The following SLC5A11 variants were observed in gnomAD, a reference collection of about 807,000 sequenced individuals.
SLC5A11 encodes the protein sodium/myo-inositol cotransporter 2.
SLC5A11 carries 48 observed loss-of-function variants against 69.8 expected under a neutral mutation model. The ratio of observed to expected loss-of-function variants is 0.69; its 90% CI spans 0.55 to 0.87. The LOEUF is 0.87. Among genes scored for constraint, SLC5A11 ranks in the 40% least tolerant of loss-of-function variants. The pLI is 0.00. For synonymous variants in SLC5A11, 319 were observed against 342.4 expected (o/e 0.93, Z 0.75); for missense variants, 784 against 866.1 (o/e 0.91, Z 1.19).
chr16:24,864,342 A>T (rs2046787138), intron 3 of SLC5A11, among the ~76,000 whole-genome samples: 1 of 152,212 alleles, frequency 6.6e-6, no homozygotes, highest in Non-Finnish European at 1.5e-5. Context: ...GATTTAAGAA[A>T]ATGTCTTTTC....
intron 10 of SLC5A11, among the ~76,000 whole-genome samples, chr16:24,904,924 T>C (rs1268156984): frequency 2.0e-5 from 3 of 152,218 alleles, no homozygotes; most frequent in African/African-American, 7.2e-5. Flanking sequence ...TTTGTCCTAA[T>C]GCTCTCCCTC....
rs1038664884 is a variant in SLC5A11, at chr16:24,891,086, T to G, written c.870+12T>G. The G allele has an allele frequency of 2.5e-6, 4 of 1,606,386 alleles. No individual in the cohort carries two copies. The highest frequency in any genetic ancestry group is 3.4e-6 in the Non-Finnish European group (4 of 1,174,092). The stretch of plus-strand genomic sequence containing the variant: ...GGTGCACGGATCAGGTACAGGACAG[T>G]GGCCTGAGCAAGTTTTTCCTTCTCT... On this transcript the variant is annotated intron_variant, in intron 9 of 15. Coordinates refer to ENST00000347898, the Ensembl canonical transcript of SLC5A11.
intron 12 of SLC5A11, among the ~76,000 whole-genome samples, 194 bp from the exon 14 acceptor site, chr16:24,907,769 C>T (rs1356162109): frequency 2.0e-5 from 3 of 151,678 alleles, no homozygotes; most frequent in Admixed American, 6.6e-5. Context: ...GTCTGTAATC[C>T]CACCTATTCG....
exon 2 of SLC5A11, chr16:24,858,697 G>T (rs34080398): frequency 1.2e-6 from 2 of 1,611,674 alleles, no homozygotes; most frequent in Admixed American, 3.3e-5. Context: ...CCCTGGATGC[G>T]TTTCCCCAGA....
chr16:24,893,852 G>C (rs1181007458), intron 9 of SLC5A11, among the ~76,000 whole-genome samples: 1 of 152,160 alleles, frequency 6.6e-6, no homozygotes, highest in Non-Finnish European at 1.5e-5. Flanking sequence ...GATTACAGGC[G>C]TGAGCCACTG....
chr16:24,892,278 C>T (rs758208406), intron 9 of SLC5A11, among the ~76,000 whole-genome samples: 8 of 151,602 alleles, frequency 5.3e-5, no homozygotes, highest in Non-Finnish European at 1.2e-4. Flanking sequence ...TCAGAAGTGA[C>T]CTTTGACCAA....
At chr16:24,877,764 T>C (rs188281167) in intron 7 of SLC5A11, among the ~76,000 whole-genome samples, 181 of 152,014 alleles carry the variant, frequency 1.2e-3, no homozygotes, top group Non-Finnish European at 1.9e-3. Flanking sequence ...GGTGGGTGGA[T>C]CACGAGGTCA....
rs766589567 is a variant in SLC5A11 at position 24,884,031 on chromosome 16, C to T, written c.584-20C>T. Reference sequence around the variant, plus strand: ...TCTCGTTAGACTCCCTGACCCTCACCTCCGTGCTCATCCCACCAGGTGGCC... The same window carrying T: ...TCTCGTTAGACTCCCTGACCCTCACTTCCGTGCTCATCCCACCAGGTGGCC... On this transcript the variant is annotated intron_variant, in intron 7 of 15. Transcript: ENST00000347898. 1.2e-6 allele frequency: 2 copies of T among 1,612,858 alleles called. No homozygotes were observed. The highest frequency in any genetic ancestry group is 1.1e-5 in the South Asian group (1 of 90,948).
At chr16:24,895,194 A>G (rs975768990) in intron 9 of SLC5A11, among the ~76,000 whole-genome samples, 7 of 152,132 alleles carry the variant, frequency 4.6e-5, no homozygotes, top group Non-Finnish European at 1.0e-4. Context: ...TGATGGTTAC[A>G]GAAAACAGAC....
intron 12 of SLC5A11, 34 bp downstream of exon 13, chr16:24,907,209 G>T: frequency 6.2e-7 from 1 of 1,610,388 alleles, no homozygotes; most frequent in African/African-American, 1.3e-5. Flanking sequence ...GGGGCAGGGG[G>T]AAGAGAGAGC....
In SLC5A11 at chr16:24,875,621, C is replaced by T. The variant is rs1403243640; in HGVS notation, c.373-6C>T. The T allele has an allele frequency of 6.2e-7, 1 of 1,612,136 alleles. No homozygotes were observed. The highest frequency in any genetic ancestry group is 2.2e-5 in the East Asian group (1 of 44,804). ...CTGGTGGTGAAATCTCAGCTCTGGC[C>T]CTCAGGTCACCACGATGCCAGAATA... On this transcript the variant is annotated splice_region_variant and splice_polypyrimidine_tract_variant and intron_variant, in intron 5 of 15. Transcript: ENST00000347898.
chr16:24,860,882 T>A (rs1036216159), intron 2 of SLC5A11, among the ~76,000 whole-genome samples: 5 of 152,082 alleles, frequency 3.3e-5, no homozygotes, highest in Admixed American at 6.6e-5. Context: ...ATTTTTTTTG[T>A]ATTTTTAGTA....
intron 8 of SLC5A11, 35 bp downstream of exon 9, chr16:24,884,166 C>T: frequency 1.9e-6 from 3 of 1,590,008 alleles, no homozygotes; most frequent in Non-Finnish European, 2.6e-6. Flanking sequence ...GGGCGGACAA[C>T]AGCACCTCTC....
rs78515573 is a variant in SLC5A11, at chr16:24,852,553, G to A, written c.-24-6067G>A. 5.3e-3 allele frequency among the ~76,000 whole-genome samples: 804 copies of A among 152,222 alleles called. 7 individuals carry two copies. Among genetic ancestry groups the A allele is most frequent in the African/African-American group, 0.018 (763 of 41,524 alleles). ...ACAGGGAGGGTTCTTCACAAGAGGT[G>A]AAGAAGGAGCCACCCCCAACCACCC... On this transcript the variant is annotated intron_variant, in intron 1 of 15. Transcript: ENST00000347898.
At chr16:24,857,823 T>C (rs1046982614) in intron 1 of SLC5A11, among the ~76,000 whole-genome samples, 2 of 152,270 alleles carry the variant, frequency 1.3e-5, no homozygotes, top group Non-Finnish European at 2.9e-5. Context: ...TCCTTTGATA[T>C]GTAACAACAT....
intron 9 of SLC5A11, among the ~76,000 whole-genome samples, chr16:24,897,104 C>A (rs1397158206): frequency 6.6e-6 from 1 of 151,876 alleles, no homozygotes; most frequent in African/African-American, 2.4e-5. Flanking sequence ...AAGTGTGCGC[C>A]AATGCACCCA....
chr16:24,856,030 T>C (rs1403532539), intron 1 of SLC5A11, among the ~76,000 whole-genome samples: 2 of 152,216 alleles, frequency 1.3e-5, no homozygotes, highest in Non-Finnish European at 2.9e-5. Context: ...CACTTTCTTA[T>C]TAGAAATTCC....
chr16:24,894,183 A>T (rs1597226834), intron 9 of SLC5A11, among the ~76,000 whole-genome samples: 2 of 152,260 alleles, frequency 1.3e-5, no homozygotes, highest in Admixed American at 1.3e-4. Flanking sequence ...CTGCACTTTA[A>T]ATCGCTCCAT....
chr16:24,869,675 T>A (rs2047149112), intron 3 of SLC5A11, among the ~76,000 whole-genome samples: 1 of 152,258 alleles, frequency 6.6e-6, no homozygotes, highest in South Asian at 2.1e-4. Flanking sequence ...CCTGTAGTCC[T>A]GAATATTTAT....
Sources: gnomAD v4.1 joint callset for allele counts (sites outside exome capture counted in the v4.1 genomes callset) on GRCh38, gnomAD v4.1.1 for gene constraint, MANE v1.5 for transcripts, NCBI Gene and HGNC (gene_info 2026-07-23, HGNC 2026-07-21) for gene names.